DGKI: variants seen among roughly 807,000 people sequenced by gnomAD.
DGKI encodes the protein DAG kinase iota.
DGKI carries 55 observed loss-of-function variants against 147.5 expected under a neutral mutation model. That is an observed-to-expected ratio of 0.37 (90% CI 0.30 to 0.47). The LOEUF (loss-of-function observed/expected upper bound fraction) is 0.47, where lower values mean the gene tolerates loss of function less well. Among genes scored for constraint, DGKI ranks in the 20% least tolerant of loss-of-function variants. The pLI is 1.00. For synonymous variants in DGKI, 469 were observed against 477.1 expected, an observed-to-expected ratio of 0.98 and a Z score of 0.22; for missense variants, 1,007 against 1,323.8, an observed-to-expected ratio of 0.76 and a Z score of 3.71.
intron 21 of DGKI, among the ~76,000 whole-genome samples, chr7:137,507,358 T>C (rs1332276337): frequency 6.6e-6 from 1 of 152,202 alleles, no homozygotes; most frequent in Non-Finnish European, 1.5e-5. Flanking sequence ...TATTCAAGGA[T>C]AAGATTTCTG....
chr7:137,693,213 G>T (rs35838923), intron 1 of DGKI, among the ~76,000 whole-genome samples: 1 of 152,096 alleles, frequency 6.6e-6, no homozygotes, highest in Non-Finnish European at 1.5e-5. Flanking sequence ...GGATGAGGGG[G>T]CAGTAGTTTT....
At chr7:137,524,425 T>TGTA (rs1256917889) in intron 20 of DGKI, among the ~76,000 whole-genome samples, 1 of 152,108 alleles carries the variant, frequency 6.6e-6, no homozygotes, top group African/African-American at 2.4e-5. Context: ...CACGTCCATA[T>TGTA]GTAAATAAAC....
At chr7:137,768,280 G>C (rs1173908114) in intron 1 of DGKI, among the ~76,000 whole-genome samples, 5 of 152,168 alleles carry the variant, frequency 3.3e-5, no homozygotes, top group Non-Finnish European at 7.4e-5. Context: ...TATAAACATA[G>C]TATTTAGAAA....
chr7:137,626,640 G>T (rs1204018126), intron 6 of DGKI, among the ~76,000 whole-genome samples: 1 of 151,958 alleles, frequency 6.6e-6, no homozygotes, highest in Admixed American at 6.6e-5. Context: ...CATTTTTCAG[G>T]GAGCAAAAAA....
intron 21 of DGKI, among the ~76,000 whole-genome samples, chr7:137,489,446 G>C (rs796726936): frequency 2.6e-5 from 4 of 152,126 alleles, no homozygotes; most frequent in African/African-American, 9.6e-5. Flanking sequence ...AAGATAAACA[G>C]AAACATCAAA....
intron 13 of DGKI, 65 bp downstream of exon 13, chr7:137,587,032 A>G (rs766585542): frequency 6.7e-6 from 8 of 1,190,216 alleles, no homozygotes; most frequent in African/African-American, 1.6e-5. Flanking sequence ...CCATTAGAAC[A>G]TCAGTGGATC....
At chr7:137,512,725 A>T (rs567162991) in intron 21 of DGKI, among the ~76,000 whole-genome samples, 31 of 152,240 alleles carry the variant, frequency 2.0e-4, no homozygotes, top group Non-Finnish European at 2.5e-4. Context: ...TTTTAGGCCC[A>T]GTTCTTTGTC....
chr7:137,624,749 C>T (rs868671108), intron 6 of DGKI, among the ~76,000 whole-genome samples: 3 of 152,028 alleles, frequency 2.0e-5, no homozygotes, highest in Non-Finnish European at 4.4e-5. Context: ...GGACTACAGG[C>T]GCCTGCCACC....
intron 1 of DGKI, among the ~76,000 whole-genome samples, chr7:137,708,182 T>C (rs989438657): frequency 1.3e-5 from 2 of 152,248 alleles, no homozygotes; most frequent in Non-Finnish European, 2.9e-5. Flanking sequence ...GCTAAGCATA[T>C]GTTCTAATGG....
At chr7:137,480,549 A>C (rs1471528877) in intron 23 of DGKI, among the ~76,000 whole-genome samples, 1 of 152,130 alleles carries the variant, frequency 6.6e-6, no homozygotes, top group Admixed American at 6.6e-5. Context: ...AACAAAGGAC[A>C]TCAGAGGAGG....
At chr7:137,801,317 T>C (rs1374642328) in intron 1 of DGKI, among the ~76,000 whole-genome samples, 2 of 152,122 alleles carry the variant, frequency 1.3e-5, no homozygotes, top group Non-Finnish European at 2.9e-5. Context: ...TGAATCTCAT[T>C]AGCTACTAGA....
chr7:137,754,535 G>A (rs1012844203), intron 1 of DGKI, among the ~76,000 whole-genome samples: 1 of 152,102 alleles, frequency 6.6e-6, no homozygotes, highest in African/African-American at 2.4e-5. Context: ...CTTTTCATTC[G>A]GAGCTGTCAC....
At chr7:137,630,277 T>A (rs1821083805) in intron 6 of DGKI, among the ~76,000 whole-genome samples, 1 of 152,186 alleles carries the variant, frequency 6.6e-6, no homozygotes, top group Non-Finnish European at 1.5e-5. Context: ...GTCCATAGAT[T>A]GACATTTTTT....
rs1811159038 is a variant in DGKI, at chr7:137,385,671, T to A, written c.*5549A>T. 3 of 152,250 alleles carry A rather than the reference T, an allele frequency of 2.0e-5. No individual in the cohort carries two copies. The highest frequency in any genetic ancestry group is 6.8e-3 in the Middle Eastern group (2 of 294). The allele number at this position is 152,250 out of a possible 1,614,324, so 9.4% of individuals were successfully genotyped here. The stretch of plus-strand genomic sequence containing the variant: ...CTTTCATTTTAATAGTGTTTCTAAG[T>A]CTTGTTTTAAAATCTTAGTTTCAGA... On this transcript the variant is annotated 3_prime_UTR_variant, in exon 33 of 33. Transcript: ENST00000614521.
chr7:137,719,862 T>C (rs1219853824), intron 1 of DGKI, among the ~76,000 whole-genome samples: 3 of 152,006 alleles, frequency 2.0e-5, no homozygotes, highest in African/African-American at 4.8e-5. Flanking sequence ...TCACCTAAAA[T>C]CCAAGGAAGT....
intron 1 of DGKI, among the ~76,000 whole-genome samples, chr7:137,740,806 T>C (rs967616786): frequency 2.0e-5 from 3 of 152,176 alleles, no homozygotes; most frequent in African/African-American, 4.8e-5. Flanking sequence ...ACTAAATTCA[T>C]GAACAATGAG....
chr7:137,720,250 CTTTTTTTT>C (rs552382033), intron 1 of DGKI, among the ~76,000 whole-genome samples: 3 of 88,216 alleles, frequency 3.4e-5, no homozygotes, highest in Non-Finnish European at 2.0e-5. Flanking sequence ...TTGAAAAAAT[CTTTTTTTT>C]TTTTTTTTTT....
chr7:137,768,046 C>A (rs1796072575), intron 1 of DGKI, among the ~76,000 whole-genome samples: 1 of 152,166 alleles, frequency 6.6e-6, no homozygotes, highest in African/African-American at 2.4e-5. Flanking sequence ...AACAAATAAT[C>A]TGATCATGAG....
At chr7:137,715,027 G>A (rs756196115) in intron 1 of DGKI, among the ~76,000 whole-genome samples, 16 of 151,924 alleles carry the variant, frequency 1.1e-4, no homozygotes, top group South Asian at 2.1e-4. Flanking sequence ...AAAAATAACC[G>A]CCATAAAAAG....
Sources: allele counts gnomAD v4.1 joint callset (sites outside exome capture counted in the v4.1 genomes callset), GRCh38; gene constraint gnomAD v4.1.1; transcripts MANE v1.5; gene names NCBI Gene and HGNC (gene_info 2026-07-23, HGNC 2026-07-21).